The following LGALS3BP variants were observed in gnomAD, a reference collection of about 807,000 sequenced individuals.
LGALS3BP encodes the protein galectin-3-binding protein.
In LGALS3BP, 25 loss-of-function variants were observed where a neutral mutation model predicts 22.9. That is an observed-to-expected ratio of 1.09 (90% CI 0.80 to 1.53). The LOEUF is 1.53. LGALS3BP is among the 40% of genes most tolerant of loss of function. The pLI is 0.00. For missense variants in LGALS3BP, 718 were observed against 752.0 expected (o/e 0.95, Z 0.53); for synonymous variants, 335 against 331.1 (o/e 1.01, Z -0.13).
In LGALS3BP at chr17:78,971,504, A is replaced by G; in HGVS notation, c.*72T>C. On this transcript the variant is annotated 3_prime_UTR_variant, in exon 6 of 6. Coordinates refer to ENST00000262776, the MANE Select transcript of LGALS3BP (RefSeq NM_005567.4). This position sits in a 1 kb window ranked among gnomAD's most constrained non-coding sequence, Gnocchi z 5.6. ...TGAAGGTCATTGCAGAGAGGAAGGA[A>G]GCCGAGGAGGGGAGCCTGCAGTGAG... The G allele has an allele frequency of 7.1e-7, 1 of 1,414,424 alleles. No individual in the cohort carries two copies. Among genetic ancestry groups the G allele is most frequent in the Non-Finnish European group, 9.7e-7 (1 of 1,036,146 alleles). The allele number at this position is 1,414,424 out of a possible 1,614,324, so 87.6% of individuals were successfully genotyped here. A position where few individuals can be genotyped will look rare whatever the true frequency, so the allele number is the denominator to read the frequency against.
In LGALS3BP at chr17:78,973,652, G is replaced by A. The variant is rs905012198; in HGVS notation, c.377-430C>T. On this transcript the variant is annotated intron_variant, in intron 4 of 5. Coordinates refer to ENST00000262776, the MANE Select transcript of LGALS3BP (RefSeq NM_005567.4). This position sits in a 1 kb window ranked among gnomAD's most constrained non-coding sequence, Gnocchi z 5.8. ...TGTGGCAACCCCATTTTAGAACTCC[G>A]GGGGTCCTCGAGCAGCTTCCTGTCG... Among the ~76,000 whole-genome samples the A allele has an allele frequency of 4.6e-5, 7 of 152,202 alleles. No individual in the cohort carries two copies. The highest frequency in any genetic ancestry group is 1.9e-4 in the East Asian group (1 of 5,168).
At chr17:78,974,311 C>G (rs2070699824) in intron 4 of LGALS3BP, among the ~76,000 whole-genome samples, 1 of 152,234 alleles carries the variant, frequency 6.6e-6, no homozygotes, top group Non-Finnish European at 1.5e-5. Flanking sequence ...GCCGGGACTC[C>G]CTCCGCCAGG....
Position 78,971,425 on chromosome 17 carries a change from A to T in LGALS3BP, c.*151T>A. The T allele has an allele frequency of 2.9e-6, 2 of 687,400 alleles. No individual in the cohort carries two copies. Among genetic ancestry groups the T allele is most frequent in the Non-Finnish European group, 4.8e-6 (2 of 418,600 alleles). The allele number at this position is 687,400 out of a possible 1,614,324, so 42.6% of individuals were successfully genotyped here. On this transcript the variant is annotated 3_prime_UTR_variant, in exon 6 of 6. Transcript: ENST00000262776. The surrounding 1 kb of genome is among the most constrained non-coding windows in gnomAD (Gnocchi z 5.6). ...GGACCCTAGTGGAAGCCTTCCAGTA[A>T]TTTCTTGAAGCTGAGCGCTCAGGTG...
intron 3 of LGALS3BP, 118 bp from the exon 4 acceptor site, chr17:78,974,937 C>T: frequency 1.5e-6 from 2 of 1,308,014 alleles, no homozygotes; most frequent in Non-Finnish European, 1.0e-6. Flanking sequence ...CTTACAGGTC[C>T]TTCACCAGCG....
chr17:78,974,742 A>T lies in LGALS3BP; in HGVS notation c.322T>A (p.Trp108Arg). 1 of 1,613,894 alleles carries T rather than the reference A, an allele frequency of 6.2e-7. No homozygotes were observed. Among genetic ancestry groups the T allele is most frequent in the Non-Finnish European group, 8.5e-7 (1 of 1,180,008 alleles). ...TCGTGCCTGCAGTTGCTCTTCAGCC[A>T]GCCCAGGGACTTGCAGTCGGCCAGT... ...ASLADCKSLG[W>R]LKSNCRHERD... The change falls in exon 4 of 6, where the codon TGG becomes AGG. Residue 108 changes from tryptophan (W) to arginine (R), a missense_variant. By Grantham distance (101) the Trp-to-Arg change is moderately radical. Transcript: ENST00000262776.
At position 78,972,085 on chromosome 17, in the gene LGALS3BP, A is replaced by C. The variant is rs1223006528; in HGVS notation, c.1249T>G (p.Phe417Val). Residue 417 changes from phenylalanine to valine, a missense_variant, in exon 6 of 6, where the codon TTT (phenylalanine) becomes GTT (valine). Transcript: ENST00000262776. This position sits in a 1 kb window ranked among gnomAD's most constrained non-coding sequence, Gnocchi z 5.1. ...GCACTCCAGGAACTGTCTGTCACAA[A>C]GGCACTCCAGGTGGGCGAGGTGTAA... ...RIYTSPTWSA[F>V]VTDSSWSARK... 7.4e-6 allele frequency: 12 copies of C among 1,613,514 alleles called. No individual in the cohort carries two copies. The highest frequency in any genetic ancestry group is 1.0e-5 in the Non-Finnish European group (12 of 1,179,638).
chr17:78,973,195 A>T lies in LGALS3BP; in HGVS notation c.404T>A (p.Leu135His). 1 of 1,577,460 alleles carries T rather than the reference A, an allele frequency of 6.3e-7. No homozygotes were observed. The highest frequency in any genetic ancestry group is 2.3e-5 in the East Asian group (1 of 43,196). Residue 135 changes from leucine (L) to histidine (H), a missense_variant, in exon 5 of 6, where the codon CTC becomes CAC. Physicochemically the swap from Leu to His is moderately conservative, Grantham distance 99. Coordinates refer to ENST00000262776, the MANE Select transcript of LGALS3BP (RefSeq NM_005567.4). The surrounding 1 kb of genome is among the most constrained non-coding windows in gnomAD (Gnocchi z 5.8). ...AAGGGCCTCCGAGAGCTCCCTGGAG[A>T]GGTCCAGGGTGTGGGTGCTCCTGGT... ...NETRSTHTLDLSRELSEALGQ... is the reference protein window; with the variant it reads ...NETRSTHTLDHSRELSEALGQ...
rs1478114347 is a variant in LGALS3BP, at chr17:78,972,935, T to C, written c.629+35A>G. Reference sequence around the variant, plus strand: ...GAAGAGGGGAGGAGGACAAAGCCCCTGGCGGCCCCAGAGCCTGAGGACGAG... The same window carrying C: ...GAAGAGGGGAGGAGGACAAAGCCCCCGGCGGCCCCAGAGCCTGAGGACGAG... On this transcript the variant is annotated intron_variant, in intron 5 of 5. Coordinates refer to ENST00000262776, the MANE Select transcript of LGALS3BP (RefSeq NM_005567.4). This position sits in a 1 kb window ranked among gnomAD's most constrained non-coding sequence, Gnocchi z 5.1. The C allele has an allele frequency of 1.9e-6, 3 of 1,576,486 alleles. No homozygotes were observed. In the South Asian group the frequency reaches 3.5e-5, roughly 18 times the overall value.
intron 1 of LGALS3BP, 70 bp from the exon 2 acceptor site, chr17:78,977,284 C>A (rs2070729501): frequency 2.3e-6 from 3 of 1,288,206 alleles, no homozygotes; most frequent in South Asian, 1.3e-5. Flanking sequence ...GACTGGCCTG[C>A]CCATTCACCC....
rs749155942 is a variant in LGALS3BP, at chr17:78,976,102, C to T, written c.107G>A (p.Arg36His). 2.0e-5 allele frequency: 32 copies of T among 1,604,056 alleles called. No individual in the cohort carries two copies. Among genetic ancestry groups the T allele is most frequent in the Middle Eastern group, 1.6e-4 (1 of 6,066 alleles). ...LADGGATNQG[R>H]VEIFYRGQWG... ...CTGGCCTCTGTAGAAGATCTCCACG[C>T]GGCCCTGGTTGGTGGCGCCCCCATC... Residue 36 changes from arginine (R) to histidine (H), a missense_variant, in exon 3 of 6, where the codon CGC becomes CAC. Transcript: ENST00000262776. The surrounding 1 kb of genome is among the most constrained non-coding windows in gnomAD (Gnocchi z 4.6).
In LGALS3BP at chr17:78,976,915, A is replaced by C; in HGVS notation, c.52+225T>G. 1 of 576,548 alleles carries C rather than the reference A, an allele frequency of 1.7e-6. No homozygotes were observed. 35.7% of individuals were successfully genotyped at this position (576,548 alleles called of 1,614,324 possible). A position where few individuals can be genotyped will look rare whatever the true frequency, so the allele number is the denominator to read the frequency against. On this transcript the variant is annotated intron_variant, in intron 2 of 5. Coordinates refer to ENST00000262776, the MANE Select transcript of LGALS3BP (RefSeq NM_005567.4). This position sits in a 1 kb window ranked among gnomAD's most constrained non-coding sequence, Gnocchi z 4.6. ...CTCTGGACGGAATGGAGGATTCCCT[A>C]GTGTCCTCTCTATAACCTGCATCTC...
Position 78,976,825 on chromosome 17 carries a change from C to T in LGALS3BP, c.52+315G>A, listed in dbSNP as rs950633751. The T allele has an allele frequency of 2.7e-5, 10 of 375,236 alleles. No individual in the cohort carries two copies. The highest frequency in any genetic ancestry group is 1.5e-4 in the South Asian group (5 of 32,818). 23.2% of individuals were successfully genotyped at this position (375,236 alleles called of 1,614,324 possible). ...CAGGACCCTCTGGAAGACTGACCTG[C>T]GTCCAAGGCCACTGACCTCACAACG... On this transcript the variant is annotated intron_variant, in intron 2 of 5. Coordinates refer to ENST00000262776, the MANE Select transcript of LGALS3BP (RefSeq NM_005567.4). The surrounding 1 kb of genome is among the most constrained non-coding windows in gnomAD (Gnocchi z 4.6).
rs913837954 is a variant in LGALS3BP, at chr17:78,971,840, C to T, written c.1494G>A (p.Ser498=). ...SCWNYGFSCS[S]DELPVLGLTK... Reference sequence around the variant, plus strand: ...TGAGGCCCAGGACAGGGAGCTCGTCCGAGGAGCAGGAGAAGCCGTAGTTCC... The same window carrying T: ...TGAGGCCCAGGACAGGGAGCTCGTCTGAGGAGCAGGAGAAGCCGTAGTTCC... The change falls in exon 6 of 6, where the codon TCG becomes TCA. Residue 498 remains serine (S), a synonymous_variant. Transcript: ENST00000262776. This position sits in a 1 kb window ranked among gnomAD's most constrained non-coding sequence, Gnocchi z 5.6. 1.1e-5 allele frequency: 17 copies of T among 1,613,930 alleles called. No homozygotes were observed. The highest frequency in any genetic ancestry group is 3.3e-5 in the Admixed American group (2 of 59,984).
chr17:78,973,064 T>C lies in LGALS3BP; in HGVS notation c.535A>G (p.Asn179Asp), dbSNP rs2070688979. 6.2e-7 allele frequency: 1 copy of C among 1,613,842 alleles called. No homozygotes were observed. The highest frequency in any genetic ancestry group is 8.5e-7 in the Non-Finnish European group (1 of 1,179,972). ...TTCCACAGGGCCTGGGCCTCCAGGT[T>C]GGCAGTCAGGATGACCGTGTGGCCA... ...FCGHTVILTA[N>D]LEAQALWKEP... Residue 179 changes from asparagine to aspartate, a missense_variant, in exon 5 of 6, where the codon AAC (asparagine) becomes GAC (aspartate). Physicochemically the swap from Asn to Asp is conservative, Grantham distance 23. Coordinates refer to ENST00000262776, the MANE Select transcript of LGALS3BP (RefSeq NM_005567.4). The surrounding 1 kb of genome is among the most constrained non-coding windows in gnomAD (Gnocchi z 5.8).
At chr17:78,978,797 C>T (rs1477107118) in intron 1 of LGALS3BP, among the ~76,000 whole-genome samples, 1 of 152,264 alleles carries the variant, frequency 6.6e-6, no homozygotes, top group African/African-American at 2.4e-5. Context: ...GGCGCGATGG[C>T]TCACGCCTGT....
chr17:78,972,898 G>T lies in LGALS3BP; in HGVS notation c.629+72C>A. 1 of 1,535,814 alleles carries T rather than the reference G, an allele frequency of 6.5e-7. No homozygotes were observed. Among genetic ancestry groups the T allele is most frequent in the Non-Finnish European group, 8.8e-7 (1 of 1,137,100 alleles). Reference sequence around the variant, plus strand: ...AGTATGTGCAGGTGTGTGTGTGGGGGGCTGTGCTTTTGAAGAGGGGAGGAG... The same window carrying T: ...AGTATGTGCAGGTGTGTGTGTGGGGTGCTGTGCTTTTGAAGAGGGGAGGAG... On this transcript the variant is annotated intron_variant, in intron 5 of 5. Coordinates refer to ENST00000262776, the MANE Select transcript of LGALS3BP (RefSeq NM_005567.4). The surrounding 1 kb of genome is among the most constrained non-coding windows in gnomAD (Gnocchi z 5.1).
At position 78,974,815 on chromosome 17, in the gene LGALS3BP, T is replaced by C; in HGVS notation, c.249A>G (p.Ser83=). The change falls in exon 4 of 6, where the codon TCA becomes TCG. Residue 83 remains serine (S), a synonymous_variant. Coordinates refer to ENST00000262776, the MANE Select transcript of LGALS3BP (RefSeq NM_005567.4). ...ALGRAAFGQG[S]GPIMLDEVQC... is the part of the protein sequence containing the mutation. ...GGACCTCATCCAGCATGATGGGGCC[T>C]GATCCTGTGGACACAGCAGATGGCA... 6.2e-7 allele frequency: 1 copy of C among 1,613,598 alleles called. No homozygotes were observed. Among genetic ancestry groups the C allele is most frequent in the Non-Finnish European group, 8.5e-7 (1 of 1,179,932 alleles).
At position 78,976,024 on chromosome 17, in the gene LGALS3BP, C is replaced by A; in HGVS notation, c.185G>T (p.Cys62Phe). The change falls in exon 3 of 6, where the codon TGC becomes TTC. Residue 62 changes from cysteine (C) to phenylalanine (F), a missense_variant. Physicochemically the swap from Cys to Phe is radical, Grantham distance 205 (BLOSUM62 -2). Transcript: ENST00000262776. This position sits in a 1 kb window ranked among gnomAD's most constrained non-coding sequence, Gnocchi z 4.6. ...LWDLTDASVV[C>F]RALGFENATQ... The stretch of plus-strand genomic sequence containing the variant: ...GGCGTTCTCGAAGCCCAGGGCCCGG[C>A]AGACGACGCTGGCATCAGTCAGGTC... The A allele has an allele frequency of 6.2e-7, 1 of 1,612,724 alleles. No individual in the cohort carries two copies. The highest frequency in any genetic ancestry group is 8.5e-7 in the Non-Finnish European group (1 of 1,179,866).
Position 78,974,681 on chromosome 17 carries a change from C to G in LGALS3BP, c.376+7G>C. 2 of 1,611,870 alleles carry G rather than the reference C, an allele frequency of 1.2e-6. No individual in the cohort carries two copies. The highest frequency in any genetic ancestry group is 3.3e-5 in the Admixed American group (2 of 59,960). On this transcript the variant is annotated splice_region_variant and intron_variant, in intron 4 of 5. Coordinates refer to ENST00000262776, the MANE Select transcript of LGALS3BP (RefSeq NM_005567.4). Reference sequence around the variant, plus strand: ...GGGCCTCCGCAGGGAGGTGCGCCCCCGCTCACCATTGGTGCAGACCACACC... The same window carrying G: ...GGGCCTCCGCAGGGAGGTGCGCCCCGGCTCACCATTGGTGCAGACCACACC...
Sources: allele counts gnomAD v4.1 joint callset (sites outside exome capture counted in the v4.1 genomes callset), GRCh38; gene constraint gnomAD v4.1.1; non-coding constraint Gnocchi (gnomAD v3.1); transcripts MANE v1.5; gene names NCBI Gene and HGNC (gene_info 2026-07-23, HGNC 2026-07-21).